Variants in MCTP1 observed in about 807,000 individuals in gnomAD.
The protein encoded by MCTP1 is multiple C2 and transmembrane domain-containing protein 1.
A neutral mutation model predicts 120.6 loss-of-function variants in MCTP1; 69 were observed. The observed-to-expected ratio is 0.57, with a 90% CI of 0.47 to 0.70. The LOEUF is 0.70. Ranked by LOEUF, MCTP1 falls within the 30% of genes least tolerant of loss-of-function variation. The probability of loss-of-function intolerance (pLI) is 0.00; values close to 1 mark genes in which losing one functional copy is unlikely to be tolerated. For missense variants in MCTP1, 1,203 were observed against 1,248.8 expected (o/e 0.96, Z 0.55); for synonymous variants, 529 against 493.1 (o/e 1.07, Z -0.96).
rs1753293707 is a variant in MCTP1 at position 95,075,435 on chromosome 5, T to C, written c.721-57951A>G. The stretch of plus-strand genomic sequence containing the variant: ...TAGTTAACCTTCTCCTTAATTTTGG[T>C]TTATAAAACTTCAATTAAAATTGTA... On this transcript the variant is annotated intron_variant, in intron 1 of 22. Coordinates refer to ENST00000515393, the MANE Select transcript of MCTP1 (RefSeq NM_024717.7). Among the ~76,000 whole-genome samples, 3 of 152,338 alleles carry C rather than the reference T, an allele frequency of 2.0e-5. No individual in the cohort carries two copies. The South Asian group carries it at 6.2e-4, about 32-fold the overall frequency.
chr5:95,017,444 G>A lies in MCTP1; in HGVS notation c.761C>T (p.Pro254Leu), dbSNP rs200443526. The A allele has an allele frequency of 6.2e-6, 10 of 1,609,994 alleles. No individual in the cohort carries two copies. The East Asian group carries it at 2.0e-4, about 32-fold the overall frequency. ...NTAGTSNAEV[P>L]LADPGMYQLD... ...CTGGTACATTCCGGGATCAGCCAAG[G>A]GGACTTCTGCATTACTGGTTCCAGC... is the stretch of plus-strand genomic sequence containing the variant. The change falls in exon 2 of 23, where the codon CCC becomes CTC. Residue 254 changes from proline to leucine, a missense_variant. Pro to Leu is a moderately conservative substitution (Grantham distance 98). Around this residue, in one of 2 missense-constraint regions of MCTP1, gnomAD observed 463 missense variants for 377.8 expected, o/e 1.23. Transcript: ENST00000515393.
At position 95,258,203 on chromosome 5, in the gene MCTP1, T is replaced by C. The variant is rs974367914; in HGVS notation, c.720+25653A>G. Among the ~76,000 whole-genome samples, 13 of 152,232 alleles carry C rather than the reference T, an allele frequency of 8.5e-5. No individual in the cohort carries two copies. In the East Asian group the frequency reaches 2.5e-3, roughly 29 times the overall value. ...CTTTACAGTGGAGAAACCTGACAAATGCTACCTCAGCCAAGCAATCAAGGT... is the reference window on the plus strand; with the variant it reads ...CTTTACAGTGGAGAAACCTGACAAACGCTACCTCAGCCAAGCAATCAAGGT... On this transcript the variant is annotated intron_variant, in intron 1 of 22. Transcript: ENST00000515393.
intron 19 of MCTP1, among the ~76,000 whole-genome samples, chr5:94,752,425 C>A (rs1353853668): frequency 1.3e-5 from 2 of 151,898 alleles, no homozygotes; most frequent in African/African-American, 4.8e-5. Flanking sequence ...CTTGTACATA[C>A]CTAAGTTCAG....
At chr5:94,950,218 C>A (rs1820138842) in intron 3 of MCTP1, among the ~76,000 whole-genome samples, 1 of 152,052 alleles carries the variant, frequency 6.6e-6, no homozygotes, top group Non-Finnish European at 1.5e-5. Context: ...TGTATGATTT[C>A]TATTTAACTT....
intron 1 of MCTP1, among the ~76,000 whole-genome samples, chr5:95,278,567 C>G (rs1394577060): frequency 6.6e-6 from 1 of 152,064 alleles, no homozygotes. Flanking sequence ...AAGAAATGGT[C>G]TTATTTAGAA....
intron 1 of MCTP1, among the ~76,000 whole-genome samples, chr5:95,168,240 G>C (rs1395164788): frequency 6.6e-6 from 1 of 152,154 alleles, no homozygotes; most frequent in African/African-American, 2.4e-5. Context: ...GCTCTGTTCT[G>C]TTCCATTGGT....
chr5:95,280,651 T>TA (rs113789144), intron 1 of MCTP1, among the ~76,000 whole-genome samples: 1,944 of 151,698 alleles, frequency 0.013, 40 homozygotes, highest in African/African-American at 0.043. Context: ...GAAAGGGATA[T>TA]TTTTTTTTCC....
At chr5:94,752,665 A>G (rs1398647750) in intron 19 of MCTP1, among the ~76,000 whole-genome samples, 2 of 152,206 alleles carry the variant, frequency 1.3e-5, no homozygotes. Context: ...TGAGTATGAA[A>G]AAAGAAAATA....
intron 1 of MCTP1, among the ~76,000 whole-genome samples, chr5:95,117,723 C>T (rs564380239): frequency 1.3e-5 from 2 of 152,232 alleles, no homozygotes; most frequent in South Asian, 2.1e-4. Context: ...CATATGTTTA[C>T]TGCAGCACTA....
chr5:94,860,177 A>G (rs1795485811), intron 17 of MCTP1, among the ~76,000 whole-genome samples: 1 of 151,732 alleles, frequency 6.6e-6, no homozygotes, highest in Non-Finnish European at 1.5e-5. Context: ...CTCCTATTAT[A>G]AATCCTTTCT....
chr5:95,201,719 G>T (rs915563830), intron 1 of MCTP1, among the ~76,000 whole-genome samples: 1 of 151,718 alleles, frequency 6.6e-6, no homozygotes, highest in Admixed American at 6.6e-5. Context: ...TGGCCAGGCT[G>T]GTCTCAAACT....
intron 5 of MCTP1, among the ~76,000 whole-genome samples, chr5:94,932,238 A>T (rs393272): frequency 7.6e-6 from 1 of 131,528 alleles, no homozygotes; most frequent in Non-Finnish European, 1.6e-5. Context: ...AAAAAAAAAA[A>T]GGAACAGTAT....
At chr5:94,903,503 C>T (rs1257285182) in intron 10 of MCTP1, among the ~76,000 whole-genome samples, 1 of 152,162 alleles carries the variant, frequency 6.6e-6, no homozygotes, top group African/African-American at 2.4e-5. Flanking sequence ...TTAGAGAGAG[C>T]CATAGATTTA....
At chr5:94,797,092 T>C (rs1293201647) in intron 18 of MCTP1, among the ~76,000 whole-genome samples, 3 of 152,186 alleles carry the variant, frequency 2.0e-5, no homozygotes, top group Admixed American at 6.5e-5. Flanking sequence ...TTATATGATA[T>C]GCAATTTTTC....
chr5:94,903,021 G>T (rs1305750016), intron 10 of MCTP1, among the ~76,000 whole-genome samples: 1 of 152,026 alleles, frequency 6.6e-6, no homozygotes, highest in Non-Finnish European at 1.5e-5. Flanking sequence ...AAAGAAAAGG[G>T]ATTAAAATCC....
At chr5:94,855,061 C>T (rs1412358032) in intron 17 of MCTP1, among the ~76,000 whole-genome samples, 1 of 151,764 alleles carries the variant, frequency 6.6e-6, no homozygotes, top group Non-Finnish European at 1.5e-5. Flanking sequence ...AACTAAAACT[C>T]TAAACAGGTG....
chr5:95,069,410 C>A (rs1414404791), intron 1 of MCTP1, among the ~76,000 whole-genome samples: 1 of 150,986 alleles, frequency 6.6e-6, no homozygotes, highest in Non-Finnish European at 1.5e-5. Flanking sequence ...TTACAAGCAC[C>A]TTTCCTTTGT....
At chr5:95,030,298 G>A (rs1422741785) in intron 1 of MCTP1, among the ~76,000 whole-genome samples, 3 of 152,128 alleles carry the variant, frequency 2.0e-5, no homozygotes, top group Non-Finnish European at 4.4e-5. Flanking sequence ...ACCCCTTCAG[G>A]GTGGGTGTTT....
intron 1 of MCTP1, among the ~76,000 whole-genome samples, chr5:95,119,250 G>A (rs544707972): frequency 6.6e-6 from 1 of 152,234 alleles, no homozygotes; most frequent in East Asian, 1.9e-4. Context: ...GAACTATACA[G>A]ACATACAGAA....
Sources: gnomAD v4.1 joint callset for allele counts (sites outside exome capture counted in the v4.1 genomes callset) on GRCh38, gnomAD v4.1.1 for gene constraint, gnomAD v4.1.1 regional missense constraint, MANE v1.5 for transcripts, NCBI Gene and HGNC (gene_info 2026-07-23, HGNC 2026-07-21) for gene names.